SPTB: variants seen among roughly 807,000 people sequenced by gnomAD.
SPTB encodes spectrin beta chain, erythrocytic.
SPTB carries 45 observed loss-of-function variants against 256.2 expected under a neutral mutation model. The observed-to-expected ratio is 0.18, with a 90% CI of 0.14 to 0.23. SPTB has a LOEUF of 0.23. Ranked by LOEUF, SPTB falls within the 10% of genes least tolerant of loss-of-function variation. The probability of loss-of-function intolerance (pLI) is 1.00; values close to 1 mark genes in which losing one functional copy is unlikely to be tolerated. For synonymous variants in SPTB, 1,231 were observed against 1,243.1 expected (o/e 0.99, Z 0.21); for missense variants, 2,715 against 3,040.4 (o/e 0.89, Z 2.52).
chr14:64,762,060 G>A (rs747441402), intron 32 of SPTB, among the ~76,000 whole-genome samples: 38 of 152,222 alleles, frequency 2.5e-4, no homozygotes, highest in Admixed American at 1.9e-3. Context: ...GCCCAGCAGC[G>A]GGCAGGTGTC....
Position 64,779,481 on chromosome 14 carries a change from C to G in SPTB, c.4474-235G>C, listed in dbSNP as rs2082425084. Among the ~76,000 whole-genome samples the G allele has an allele frequency of 6.6e-6, 1 of 152,182 alleles. No individual in the cohort carries two copies. The highest frequency in any genetic ancestry group is 2.1e-4 in the South Asian group (1 of 4,832). ...AAGGTAATGTAGCTGGATCTCGAAC[C>G]CAAGTCTGTCTGACCCAAGTCCATG... On this transcript the variant is annotated intron_variant, in intron 21 of 35. Transcript: ENST00000644917. This position sits in a 1 kb window ranked among gnomAD's most constrained non-coding sequence, Gnocchi z 4.2.
intron 2 of SPTB, among the ~76,000 whole-genome samples, chr14:64,820,509 G>T (rs1037865401): frequency 1.3e-5 from 2 of 152,242 alleles, no homozygotes; most frequent in African/African-American, 4.8e-5. Flanking sequence ...TTGTTGGCCA[G>T]ATGTTCTGAA....
chr14:64,805,116 A>T, intron 2 of SPTB, 26 bp from the exon 3 acceptor site: 1 of 1,614,036 alleles, frequency 6.2e-7, no homozygotes, highest in Non-Finnish European at 8.5e-7. Flanking sequence ...AACCTTGGTG[A>T]GGTGCCTGAG....
rs778152536 is a variant in SPTB at position 64,779,107 on chromosome 14, G to T, written c.4563+50C>A. ...GCTGGGCCTACCCCCGTGGGGCCAG[G>T]TGGGGGTGAGGAGGGGTGGGTGGGG... On this transcript the variant is annotated intron_variant, in intron 22 of 35. Transcript: ENST00000644917. The surrounding 1 kb of genome is among the most constrained non-coding windows in gnomAD (Gnocchi z 4.2). 31 of 1,502,324 alleles carry T rather than the reference G, an allele frequency of 2.1e-5. No homozygotes were observed. The highest frequency in any genetic ancestry group is 2.8e-5 in the Non-Finnish European group (30 of 1,088,470). The allele number at this position is 1,502,324 out of a possible 1,614,324, so 93.1% of individuals were successfully genotyped here. A position where few individuals can be genotyped will look rare whatever the true frequency, so the allele number is the denominator to read the frequency against.
In SPTB at chr14:64,866,785, C is replaced by T. The variant is rs973582901; in HGVS notation, c.-52+13007G>A. ...TACTGTAATATATTACAAGGTAGTTCCTACTTTGACATGCCTTAAGGACAA... is the reference window on the plus strand; with the variant it reads ...TACTGTAATATATTACAAGGTAGTTTCTACTTTGACATGCCTTAAGGACAA... On this transcript the variant is annotated intron_variant, in intron 1 of 35. Transcript: ENST00000644917. The surrounding 1 kb of genome is among the most constrained non-coding windows in gnomAD (Gnocchi z 4.6). 1.3e-5 allele frequency among the ~76,000 whole-genome samples: 2 copies of T among 152,150 alleles called. No individual in the cohort carries two copies. Among genetic ancestry groups the T allele is most frequent in the Non-Finnish European group, 2.9e-5 (2 of 68,020 alleles).
At chr14:64,849,425 T>C (rs574927427) in intron 1 of SPTB, among the ~76,000 whole-genome samples, 1 of 152,340 alleles carries the variant, frequency 6.6e-6, no homozygotes, top group East Asian at 1.9e-4. Context: ...GTCACAGCAA[T>C]GTTTATATTA....
At chr14:64,835,486 T>C (rs1006637066) in intron 1 of SPTB, among the ~76,000 whole-genome samples, 1 of 152,192 alleles carries the variant, frequency 6.6e-6, no homozygotes, top group Non-Finnish European at 1.5e-5. Context: ...CCTCAGATGA[T>C]CTGCCCACCT....
At chr14:64,836,017 G>T (rs1026985059) in intron 1 of SPTB, among the ~76,000 whole-genome samples, 1 of 152,178 alleles carries the variant, frequency 6.6e-6, no homozygotes, top group African/African-American at 2.4e-5. Flanking sequence ...TCAATATTCT[G>T]CTTTCTGCAC....
In SPTB at chr14:64,749,182, G is replaced by C. The variant is rs1171101678; in HGVS notation, c.*124C>G. The stretch of plus-strand genomic sequence containing the variant: ...GCTTTTGCAGTGCAGCGTGGGGCCC[G>C]GGGGCCCGGCCCGCGACTCGACTCA... On this transcript the variant is annotated 3_prime_UTR_variant, in exon 36 of 36. Transcript: ENST00000644917. The surrounding 1 kb of genome is among the most constrained non-coding windows in gnomAD (Gnocchi z 4.7). The C allele has an allele frequency of 4.1e-6, 5 of 1,221,522 alleles. No homozygotes were observed. Among genetic ancestry groups the C allele is most frequent in the Admixed American group, 2.3e-5 (1 of 43,404 alleles). 75.7% of individuals were successfully genotyped at this position (1,221,522 alleles called of 1,614,324 possible). A position where few individuals can be genotyped will look rare whatever the true frequency, so the allele number is the denominator to read the frequency against.
intron 33 of SPTB, among the ~76,000 whole-genome samples, chr14:64,751,130 T>C (rs966984427): frequency 2.0e-5 from 3 of 147,464 alleles, no homozygotes; most frequent in Non-Finnish European, 4.5e-5. Context: ...TTATATATAA[T>C]ATACATATTT....
Position 64,799,876 on chromosome 14 carries a change from G to A in SPTB, c.935C>T (p.Ser312Leu), listed in dbSNP as rs775682407. The A allele has an allele frequency of 1.2e-5, 19 of 1,614,138 alleles. No homozygotes were observed. Among genetic ancestry groups the A allele is most frequent in the African/African-American group, 4.0e-5 (3 of 74,942 alleles). ...KMIEKYSGLA[S>L]DLLTWIEQTI... is the part of the protein sequence containing the mutation. ...CTGCTCGATCCAGGTGAGCAGGTCC[G>A]AGGCTAGCCCGCTGTACTTTTCAAT... is the stretch of plus-strand genomic sequence containing the variant. The change falls in exon 9 of 36, where the codon TCG (serine) becomes TTG (leucine). Residue 312 changes from serine (S) to leucine (L), a missense_variant. By Grantham distance (145) the Ser-to-Leu change is moderately radical (BLOSUM62 -2). Transcript: ENST00000644917.
chr14:64,833,821 G>T (rs2083483041), intron 1 of SPTB, among the ~76,000 whole-genome samples: 1 of 152,178 alleles, frequency 6.6e-6, no homozygotes, highest in African/African-American at 2.4e-5. Context: ...TTGAATAAAT[G>T]GATGAGAACT....
chr14:64,864,739 A>G (rs1408489004), intron 1 of SPTB, among the ~76,000 whole-genome samples: 2 of 152,130 alleles, frequency 1.3e-5, no homozygotes, highest in Non-Finnish European at 2.9e-5. Context: ...ACTCTTTGGT[A>G]CTGTCTGAAT....
chr14:64,766,851 G>A (rs757780751), intron 31 of SPTB, 50 bp from the exon 32 acceptor site: 2 of 1,601,696 alleles, frequency 1.2e-6, no homozygotes. Context: ...TCTGAGGCCA[G>A]TGCCTCCTGC....
rs1181994000 is a variant in SPTB, at chr14:64,795,422, C to T, written c.1559G>A (p.Arg520Gln). Reference protein sequence around the residue: ...WSYLQELLQSRRQRLETTLAL... With the variant: ...WSYLQELLQSQRQRLETTLAL... ...CAGGGTGGTCTCGAGCCTCTGGCGC[C>T]GGGACTGCAGCAGCTCCTGCAGGTA... The change falls in exon 12 of 36, where the codon CGG becomes CAG. Residue 520 changes from arginine (R) to glutamine (Q), a missense_variant. By Grantham distance (43) the Arg-to-Gln change is conservative. This residue lies in a region of SPTB where 2,239 missense variants were observed against 2,384.4 expected (regional missense o/e 0.94). Coordinates refer to ENST00000644917, the MANE Select transcript of SPTB (RefSeq NM_001355436.2). This position sits in a 1 kb window ranked among gnomAD's most constrained non-coding sequence, Gnocchi z 6.5. 7 of 1,614,160 alleles carry T rather than the reference C, an allele frequency of 4.3e-6. No individual in the cohort carries two copies. Among genetic ancestry groups the T allele is most frequent in the Non-Finnish European group, 5.9e-6 (7 of 1,180,030 alleles).
chr14:64,833,099 C>T (rs546826590), intron 1 of SPTB, among the ~76,000 whole-genome samples: 23 of 152,304 alleles, frequency 1.5e-4, no homozygotes, highest in African/African-American at 4.3e-4. Flanking sequence ...CCAGCTTCTC[C>T]AATACTACAT....
chr14:64,848,588 A>G (rs1458292376), intron 1 of SPTB, among the ~76,000 whole-genome samples: 1 of 152,266 alleles, frequency 6.6e-6, no homozygotes, highest in Non-Finnish European at 1.5e-5. Flanking sequence ...ATTATTGTGC[A>G]TATTACATCG....
At position 64,802,291 on chromosome 14, in the gene SPTB, C is replaced by T; in HGVS notation, c.501G>A (p.Gln167=). The change falls in exon 5 of 36, where the codon CAG becomes CAA. Residue 167 remains glutamine, a synonymous_variant. Coordinates refer to ENST00000644917, the MANE Select transcript of SPTB (RefSeq NM_001355436.2). This position sits in a 1 kb window ranked among gnomAD's most constrained non-coding sequence, Gnocchi z 5.1. ...TGGCTGAGCGTGTTTCACGACCTTC[C>T]TGAGTTTGGACCACAATGTCCTGAA... ...FQIQDIVVQT[Q]EGRETRSAKD... is the part of the protein sequence containing the mutation. The T allele has an allele frequency of 1.9e-6, 3 of 1,614,222 alleles. No individual in the cohort carries two copies. Among genetic ancestry groups the T allele is most frequent in the Non-Finnish European group, 2.5e-6 (3 of 1,180,038 alleles).
At chr14:64,797,467 CAAA>C (rs57385615) in intron 10 of SPTB, among the ~76,000 whole-genome samples, 177 of 30,868 alleles carry the variant, frequency 5.7e-3, no homozygotes, top group African/African-American at 8.5e-3. Flanking sequence ...ACCCTGTCTC[CAAA>C]AAAAAAAAAA....
Sources: gnomAD v4.1 joint callset for allele counts (sites outside exome capture counted in the v4.1 genomes callset) on GRCh38, gnomAD v4.1.1 for gene constraint, gnomAD v4.1.1 regional missense constraint, Gnocchi (gnomAD v3.1) non-coding constraint, MANE v1.5 for transcripts, NCBI Gene and HGNC (gene_info 2026-07-23, HGNC 2026-07-21) for gene names.